Variants in NFASC observed in about 807,000 individuals in gnomAD.
NFASC encodes the protein neurofascin homolog.
Under a neutral mutation model 147.5 loss-of-function variants are expected in NFASC, and 43 were observed. That is an observed-to-expected ratio of 0.29 (90% CI 0.23 to 0.38). The LOEUF (loss-of-function observed/expected upper bound fraction) is 0.38, where lower values mean the gene tolerates loss of function less well. Ranked by LOEUF, NFASC falls within the 10% of genes least tolerant of loss-of-function variation. The pLI is 1.00. For synonymous variants in NFASC, 622 were observed against 665.5 expected, an observed-to-expected ratio of 0.93 and a Z score of 1.01; for missense variants, 1,320 against 1,689.0, an observed-to-expected ratio of 0.78 and a Z score of 3.83.
chr1:204,991,610 A>T (rs898738584), intron 24 of NFASC, among the ~76,000 whole-genome samples: 9 of 152,208 alleles, frequency 5.9e-5, no homozygotes, highest in African/African-American at 2.2e-4. Flanking sequence ...TCATTCTGAC[A>T]CTGAGTAGAT....
intron 1 of NFASC, among the ~76,000 whole-genome samples, chr1:204,897,000 T>C (rs907270787): frequency 3.9e-5 from 6 of 152,142 alleles, no homozygotes; most frequent in African/African-American, 1.4e-4. Context: ...AGGTGCTCCT[T>C]CTAGCAGCAT....
intron 2 of NFASC, among the ~76,000 whole-genome samples, chr1:204,933,288 G>A (rs1175170141): frequency 1.3e-5 from 2 of 152,160 alleles, no homozygotes; most frequent in African/African-American, 2.4e-5. Flanking sequence ...AGGTGAGATG[G>A]GGAGAATGCG....
At chr1:204,983,884 T>C (rs1341434732) in intron 21 of NFASC, 2 of 606,388 alleles carry the variant, frequency 3.3e-6, no homozygotes, top group African/African-American at 1.9e-5. Flanking sequence ...TTTCAAGTAC[T>C]GTCTCATGGA....
intron 24 of NFASC, 103 bp downstream of exon 24, chr1:204,991,409 A>C: frequency 1.6e-6 from 2 of 1,227,724 alleles, no homozygotes; most frequent in Non-Finnish European, 2.3e-6. Context: ...GGCTGAAAGC[A>C]TGCTCCAGAC....
rs1331154295 is a variant in NFASC at position 204,981,956 on chromosome 1, G to A, written c.2406G>A (p.Gln802=). Residue 802 remains glutamine (Q), a synonymous_variant, in exon 21 of 30, where the codon CAG becomes CAA. Coordinates refer to ENST00000339876, the MANE Select transcript of NFASC (RefSeq NM_001005388.3). ...PVYVPYEIRV[Q]AENDFGKGPE... ...ACGTGCCCTATGAGATCCGAGTCCA[G>A]GCTGAAAATGACTTCGGGAAGGGCC... 2 of 1,607,820 alleles carry A rather than the reference G, an allele frequency of 1.2e-6. No individual in the cohort carries two copies. Among genetic ancestry groups the A allele is most frequent in the East Asian group, 2.3e-5 (1 of 44,356 alleles).
intron 3 of NFASC, among the ~76,000 whole-genome samples, chr1:204,949,004 C>T (rs1007815917): frequency 5.3e-5 from 8 of 152,192 alleles, no homozygotes; most frequent in Non-Finnish European, 8.8e-5. Flanking sequence ...GCTGTGGAGA[C>T]GAGCTCCGGG....
chr1:204,927,907 C>G (rs962295726), intron 2 of NFASC, among the ~76,000 whole-genome samples: 4 of 152,206 alleles, frequency 2.6e-5, no homozygotes, highest in Non-Finnish European at 5.9e-5. Flanking sequence ...GGGGAGCAGA[C>G]AGGGAGCCAA....
At chr1:204,963,493 G>A (rs6659901) in intron 8 of NFASC, among the ~76,000 whole-genome samples, 18,541 of 152,180 alleles carry the variant, frequency 0.12, 1,437 homozygotes, top group African/African-American at 0.21. Flanking sequence ...ACAGGGGAAC[G>A]TACACATAGA....
At chr1:204,915,681 A>G (rs1252632720) in intron 1 of NFASC, among the ~76,000 whole-genome samples, 1 of 152,254 alleles carries the variant, frequency 6.6e-6, no homozygotes, top group African/African-American at 2.4e-5. Flanking sequence ...AGACAGAGAC[A>G]GAATGATCTT....
chr1:204,854,349 G>T (rs1471493349), intron 1 of NFASC, among the ~76,000 whole-genome samples: 1 of 152,148 alleles, frequency 6.6e-6, no homozygotes, highest in Non-Finnish European at 1.5e-5. Context: ...TGGGAACTTG[G>T]TGTGAGACAT....
rs2095089694 is a variant in NFASC, at chr1:204,968,722, G to T, written c.819-76G>T. 1 of 1,379,050 alleles carries T rather than the reference G, an allele frequency of 7.3e-7. No individual in the cohort carries two copies. Among genetic ancestry groups the T allele is most frequent in the Non-Finnish European group, 9.9e-7 (1 of 1,013,514 alleles). 85.4% of individuals were successfully genotyped at this position (1,379,050 alleles called of 1,614,324 possible). A position where few individuals can be genotyped will look rare whatever the true frequency, so the allele number is the denominator to read the frequency against. On this transcript the variant is annotated intron_variant, in intron 9 of 29. Coordinates refer to ENST00000339876, the MANE Select transcript of NFASC (RefSeq NM_001005388.3). This position sits in a 1 kb window ranked among gnomAD's most constrained non-coding sequence, Gnocchi z 5.4. ...CCCAAGTATACTTTTAGGCCACCTG[G>T]GTGTCCCCAGCTGTATAGAAGAGGA...
intron 7 of NFASC, among the ~76,000 whole-genome samples, chr1:204,957,343 G>A (rs1558249263): frequency 6.6e-6 from 1 of 152,188 alleles, no homozygotes; most frequent in African/African-American, 2.4e-5. Flanking sequence ...CCCACAGCCG[G>A]TGAGATCTTT....
chr1:204,978,754 T>TG (rs141008046), intron 17 of NFASC, among the ~76,000 whole-genome samples: 15,841 of 150,856 alleles, frequency 0.11, 979 homozygotes, highest in African/African-American at 0.18. Flanking sequence ...ATATTCTTTG[T>TG]GGGGGGGGGC....
intron 3 of NFASC, among the ~76,000 whole-genome samples, chr1:204,947,403 G>A (rs947233214): frequency 1.3e-5 from 2 of 152,148 alleles, no homozygotes; most frequent in South Asian, 2.1e-4. Context: ...TAACGTTCTC[G>A]CCCTGCCAGG....
chr1:204,954,691 C>A lies in NFASC; in HGVS notation c.413-138C>A. The A allele has an allele frequency of 1.9e-6, 2 of 1,059,106 alleles. No individual in the cohort carries two copies. Among genetic ancestry groups the A allele is most frequent in the Non-Finnish European group, 2.8e-6 (2 of 719,494 alleles). 65.6% of individuals were successfully genotyped at this position (1,059,106 alleles called of 1,614,324 possible). ...CGGCCCCTTGAGTAGGCTCACGTGC[C>A]CCGTCCCTCTCTCTTGCTCCCTCCT... On this transcript the variant is annotated intron_variant, in intron 6 of 29. Transcript: ENST00000339876. The surrounding 1 kb of genome is among the most constrained non-coding windows in gnomAD (Gnocchi z 5.7).
chr1:204,993,283 G>A (rs990548415), intron 24 of NFASC, among the ~76,000 whole-genome samples: 6 of 152,210 alleles, frequency 3.9e-5, no homozygotes, highest in Non-Finnish European at 8.8e-5. Flanking sequence ...GACAATCTGT[G>A]ATTTGGCCGG....
At chr1:204,845,295 C>CA (rs35773017) in intron 1 of NFASC, among the ~76,000 whole-genome samples, 81,746 of 140,460 alleles carry the variant, frequency 0.58, 24,402 homozygotes, top group East Asian at 0.67. Context: ...TACTAAAATA[C>CA]AAAAAAAAAA....
chr1:204,933,282 G>A (rs915636541), intron 2 of NFASC, among the ~76,000 whole-genome samples: 1 of 152,212 alleles, frequency 6.6e-6, no homozygotes, highest in Non-Finnish European at 1.5e-5. Flanking sequence ...TGTGAAAGGT[G>A]AGATGGGGAG....
chr1:204,896,210 A>G (rs551054672), intron 1 of NFASC, among the ~76,000 whole-genome samples: 7 of 152,310 alleles, frequency 4.6e-5, no homozygotes, highest in African/African-American at 1.7e-4. Flanking sequence ...GAGGGGGAAC[A>G]TTGCAGCCCC....
Sources: gnomAD v4.1 joint callset for allele counts (sites outside exome capture counted in the v4.1 genomes callset) on GRCh38, gnomAD v4.1.1 for gene constraint, Gnocchi (gnomAD v3.1) non-coding constraint, MANE v1.5 for transcripts, NCBI Gene and HGNC (gene_info 2026-07-23, HGNC 2026-07-21) for gene names.